The following ASPHD1 variants were observed in gnomAD, a reference collection of about 807,000 sequenced individuals.
The protein encoded by ASPHD1 is aspartate beta-hydroxylase domain-containing protein 1.
In ASPHD1, 20 loss-of-function variants were observed where a neutral mutation model predicts 28.3. The observed-to-expected ratio is 0.71, with a 90% CI of 0.50 to 1.03. ASPHD1 has a LOEUF of 1.03. Among genes scored for constraint, ASPHD1 ranks in the 50% least tolerant of loss-of-function variants. The pLI is 0.00. For synonymous variants in ASPHD1, 240 were observed against 221.2 expected, an observed-to-expected ratio of 1.08 and a Z score of -0.75; for missense variants, 479 against 524.1, an observed-to-expected ratio of 0.91 and a Z score of 0.84.
chr16:29,910,043 A>T (rs1597012630), downstream of ASPHD1, among the ~76,000 whole-genome samples: 1 of 147,308 alleles, frequency 6.8e-6, no homozygotes, highest in East Asian at 2.0e-4. Flanking sequence ...AGGTTAAGTG[A>T]GCTGAGATCA....
chr16:29,908,829 A>C (rs1394105402), downstream of ASPHD1, among the ~76,000 whole-genome samples: 1 of 151,722 alleles, frequency 6.6e-6, no homozygotes, highest in Non-Finnish European at 1.5e-5. Flanking sequence ...CAGCTTCCTG[A>C]GTACCTGGGT....
chr16:29,906,347 CTTAACT>C (rs2068612001), downstream of ASPHD1: 2 of 204,738 alleles, frequency 9.8e-6, no homozygotes, highest in East Asian at 2.7e-4. Context: ...AGTTTCTCAA[CTTAACT>C]TTATTTCAAT....
chr16:29,906,737 C>T, downstream of ASPHD1: 3 of 723,766 alleles, frequency 4.1e-6, no homozygotes, highest in Non-Finnish European at 7.2e-6. Context: ...CCAAAGTGAG[C>T]TGTGCCATGC....
chr16:29,909,921 C>T (rs1426548666), downstream of ASPHD1, among the ~76,000 whole-genome samples: 2 of 151,742 alleles, frequency 1.3e-5, no homozygotes, highest in Non-Finnish European at 1.5e-5. Flanking sequence ...TTCTCTACTA[C>T]ATTTAGTCTC....
downstream of ASPHD1, chr16:29,907,057 A>C: frequency 6.2e-7 from 1 of 1,613,554 alleles, no homozygotes; most frequent in Non-Finnish European, 8.5e-7. Context: ...GGAGTCTCGT[A>C]GATGAGGATG....
chr16:29,914,006 T>A (rs945315252), intron 3 of ASPHD1: 2 of 152,112 alleles, frequency 1.3e-5, no homozygotes, highest in African/African-American at 2.4e-5. Context: ...ATTTTTGTAT[T>A]TTTAGTAGAG....
downstream of ASPHD1, chr16:29,906,705 G>T (rs879794043): frequency 7.3e-6 from 5 of 682,302 alleles, no homozygotes; most frequent in Non-Finnish European, 1.3e-5. Flanking sequence ...TTAGCAATGG[G>T]GTTGGGATGG....
downstream of ASPHD1, chr16:29,907,197 C>G: frequency 1.3e-5 from 11 of 870,054 alleles, no homozygotes; most frequent in Non-Finnish European, 2.0e-5. Flanking sequence ...ACCAACACAC[C>G]TCCTAGCCCT....
Position 29,901,553 on chromosome 16 carries a change from C to T in ASPHD1, c.582C>T (p.Asp194=). The T allele has an allele frequency of 4.5e-6, 7 of 1,556,994 alleles. No homozygotes were observed. Among genetic ancestry groups the T allele is most frequent in the Non-Finnish European group, 6.0e-6 (7 of 1,158,048 alleles). Residue 194 remains aspartate, a synonymous_variant, in exon 1 of 3, where the codon GAC becomes GAT. Coordinates refer to ENST00000308748, the MANE Select transcript of ASPHD1 (RefSeq NM_181718.4). This position sits in a 1 kb window ranked among gnomAD's most constrained non-coding sequence, Gnocchi z 5.1. The part of the protein sequence containing the change: ...IQRPGLLFLP[D]LPSAPFVPRD... ...GCCCAGGCCTGCTTTTCCTACCAGA[C>T]CTGCCTTCAGCCCCCTTTGTGCCGC...
rs2068532540 is a variant in ASPHD1, at chr16:29,900,924, G to A, written c.-48G>A. 4 of 1,509,650 alleles carry A rather than the reference G, an allele frequency of 2.6e-6. No individual in the cohort carries two copies. The East Asian group carries it at 7.4e-5, about 28-fold the overall frequency. The allele number at this position is 1,509,650 out of a possible 1,614,324, so 93.5% of individuals were successfully genotyped here. On this transcript the variant is annotated 5_prime_UTR_variant, in exon 1 of 3. Transcript: ENST00000308748. ...AGAGGGAGAGGAGGAAGAAGAGGTA[G>A]AAGGAGAGAGAAAGGGGAGAGAAAG...
chr16:29,906,000 C>T lies in ASPHD1; in HGVS notation c.*103C>T, dbSNP rs531399896. 5 of 366,326 alleles carry T rather than the reference C, an allele frequency of 1.4e-5. No homozygotes were observed. Among genetic ancestry groups the T allele is most frequent in the Admixed American group, 3.3e-5 (1 of 30,306 alleles). The allele number at this position is 366,326 out of a possible 1,614,324, so 22.7% of individuals were successfully genotyped here. The stretch of plus-strand genomic sequence containing the variant: ...TCTCTACTGCGGGGGTGGGCGGGGG[C>T]GGAGGATGGGAACTGGCTAGTGAGC... On this transcript the variant is annotated 3_prime_UTR_variant, in exon 3 of 3. Transcript: ENST00000308748.
In ASPHD1 at chr16:29,901,147, G is replaced by A. The variant is rs1411927386; in HGVS notation, c.176G>A (p.Gly59Asp). The A allele has an allele frequency of 6.2e-7, 1 of 1,611,168 alleles. No homozygotes were observed. Residue 59 changes from glycine to aspartate, a missense_variant, in exon 1 of 3, where the codon GGC becomes GAC. By Grantham distance (94) the Gly-to-Asp change is moderately conservative. Transcript: ENST00000308748. The surrounding 1 kb of genome is among the most constrained non-coding windows in gnomAD (Gnocchi z 5.1). ...AACTGGGGTCCGGAGGACGCCCCAG[G>A]CCTCTTGGCCAGGGCCTCCCTGATC... is the stretch of plus-strand genomic sequence containing the variant. ...QGNWGPEDAPGLLARASLIML... is the reference protein window; with the variant it reads ...QGNWGPEDAPDLLARASLIML...
intron 1 of ASPHD1, among the ~76,000 whole-genome samples, chr16:29,902,311 C>G (rs931853928): frequency 6.6e-6 from 1 of 152,186 alleles, no homozygotes; most frequent in African/African-American, 2.4e-5. Context: ...TGCCTATGGT[C>G]CCAGCTACTG....
chr16:29,904,934 C>T lies in ASPHD1; in HGVS notation c.1032C>T (p.Asp344=), dbSNP rs191778761. ...CWAEGHCLLV[D]DSFLHTVAHN... Reference sequence around the variant, plus strand: ...CTGAGGGGCACTGTCTACTGGTGGACGACTCTTTTCTACACACAGTGGCTC... The same window carrying T: ...CTGAGGGGCACTGTCTACTGGTGGATGACTCTTTTCTACACACAGTGGCTC... Residue 344 remains aspartate, a synonymous_variant, in exon 2 of 3, where the codon GAC becomes GAT. Coordinates refer to ENST00000308748, the MANE Select transcript of ASPHD1 (RefSeq NM_181718.4). 35 of 1,613,242 alleles carry T rather than the reference C, an allele frequency of 2.2e-5. No individual in the cohort carries two copies. The highest frequency in any genetic ancestry group is 6.7e-5 in the African/African-American group (5 of 74,954).
intron 3 of ASPHD1, among the ~76,000 whole-genome samples, chr16:29,917,654 C>T (rs1419636085): frequency 1.3e-5 from 2 of 152,094 alleles, no homozygotes; most frequent in Non-Finnish European, 2.9e-5. Context: ...TGGTGCACGC[C>T]TGTAATCCCA....
Position 29,901,841 on chromosome 16 carries a change from C to T in ASPHD1, c.870C>T (p.Ala290=), listed in dbSNP as rs374797206. Residue 290 remains alanine (A), a synonymous_variant, in exon 1 of 3, where the codon GCC becomes GCT. Coordinates refer to ENST00000308748, the MANE Select transcript of ASPHD1 (RefSeq NM_181718.4). This position sits in a 1 kb window ranked among gnomAD's most constrained non-coding sequence, Gnocchi z 5.1. ...SFMSANTFGN[A]GFSVLLPGAR... ...TGAGTGCCAACACCTTCGGCAATGC[C>T]GGCTTTTCCGTTCTCCTGCCTGGGG... is the stretch of plus-strand genomic sequence containing the variant. 11 of 1,545,772 alleles carry T rather than the reference C, an allele frequency of 7.1e-6. No homozygotes were observed. The African/African-American group carries it at 8.3e-5, about 12-fold the overall frequency.
Position 29,900,639 on chromosome 16 carries a change from T to C in ASPHD1, c.-333T>C. ...CCAGGCAGGACCGCAGGGTCGGGGC[T>C]AGTGAGGAGCGAGGGCAAGGAGAGA... On this transcript the variant is annotated 5_prime_UTR_variant, in exon 1 of 3. Transcript: ENST00000308748. The C allele has an allele frequency of 2.5e-6, 1 of 396,866 alleles. No individual in the cohort carries two copies. The highest frequency in any genetic ancestry group is 2.7e-5 in the South Asian group (1 of 36,440). The allele number at this position is 396,866 out of a possible 1,614,324, so 24.6% of individuals were successfully genotyped here. A position where few individuals can be genotyped will look rare whatever the true frequency, so the allele number is the denominator to read the frequency against.
chr16:29,910,939 AC>A (rs779398179), downstream of ASPHD1: 5 of 1,579,644 alleles, frequency 3.2e-6, no homozygotes, highest in Non-Finnish European at 4.3e-6. Context: ...GGTCCTGGCC[AC>A]CCCCAGCCCC....
Position 29,900,985 on chromosome 16 carries a change from G to A in ASPHD1, c.14G>A (p.Arg5Lys). 6.4e-7 allele frequency: 1 copy of A among 1,555,498 alleles called. No homozygotes were observed. The highest frequency in any genetic ancestry group is 8.7e-7 in the Non-Finnish European group (1 of 1,148,966). The stretch of plus-strand genomic sequence containing the variant: ...GGTTGGAGGTGCATGAAGGAGGGGA[G>A]AGGGAGCTTCAGCGTGGAGAGAGGA... MKEG[R>K]GSFSVERGPR... Residue 5 changes from arginine to lysine, a missense_variant, in exon 1 of 3, where the codon AGA becomes AAA. Arg to Lys is a conservative substitution (Grantham distance 26, BLOSUM62 2). Coordinates refer to ENST00000308748, the MANE Select transcript of ASPHD1 (RefSeq NM_181718.4).
Sources: gnomAD v4.1 joint callset for allele counts (sites outside exome capture counted in the v4.1 genomes callset) on GRCh38, gnomAD v4.1.1 for gene constraint, Gnocchi (gnomAD v3.1) non-coding constraint, MANE v1.5 for transcripts, NCBI Gene and HGNC (gene_info 2026-07-23, HGNC 2026-07-21) for gene names.